WWP2: variants seen among roughly 807,000 people sequenced by gnomAD.
WWP2 encodes the protein WW domain containing E3 ubiquitin protein ligase 2, also known as NEDD4-like E3 ubiquitin-protein ligase WWP2.
WWP2 carries 57 observed loss-of-function variants against 121.0 expected under a neutral mutation model. That is an observed-to-expected ratio of 0.47 (90% CI 0.38 to 0.59). WWP2 has a LOEUF of 0.59. Among genes scored for constraint, WWP2 ranks in the 20% least tolerant of loss-of-function variants. WWP2 has a pLI of 0.00. For missense variants in WWP2, 962 were observed against 1,158.9 expected, an observed-to-expected ratio of 0.83 and a Z score of 2.47; for synonymous variants, 449 against 441.3, an observed-to-expected ratio of 1.02 and a Z score of -0.22.
chr16:69,808,262 G>A (rs1327672344), intron 4 of WWP2, among the ~76,000 whole-genome samples: 1 of 149,842 alleles, frequency 6.7e-6, no homozygotes, highest in Non-Finnish European at 1.5e-5. Context: ...TTTTGCATGT[G>A]TCAATAGTCT....
At chr16:69,769,133 G>A (rs914197440) in intron 1 of WWP2, among the ~76,000 whole-genome samples, 15 of 151,936 alleles carry the variant, frequency 9.9e-5, no homozygotes, top group African/African-American at 1.7e-4. Flanking sequence ...CCTGGCTAAC[G>A]TGATGAAACC....
At chr16:69,827,861 T>G (rs1217767376) in intron 4 of WWP2, 1 of 455,252 alleles carries the variant, frequency 2.2e-6, no homozygotes, top group Admixed American at 2.4e-5. Flanking sequence ...TTCTAAAGAC[T>G]TAACCTTCCC....
At chr16:69,907,798 A>T (rs1567422793) in intron 8 of WWP2, among the ~76,000 whole-genome samples, 1 of 152,246 alleles carries the variant, frequency 6.6e-6, no homozygotes, top group Non-Finnish European at 1.5e-5. Flanking sequence ...ATTTGACTTC[A>T]TAGGTAGAGC....
chr16:69,840,315 C>CGGGGACTGGGTGGGGGGGGGG, intron 5 of WWP2, 52 bp downstream of exon 5: 1 of 1,217,544 alleles, frequency 8.2e-7, no homozygotes. Flanking sequence ...TGGGGCTGGG[C>CGGGGACTGGGTGGGGGGGGGG]GGGGGCCAGG....
chr16:69,782,602 T>G (rs1236032860), intron 1 of WWP2, among the ~76,000 whole-genome samples: 4 of 152,304 alleles, frequency 2.6e-5, no homozygotes, highest in South Asian at 2.1e-4. Flanking sequence ...GAGTTTGGTG[T>G]TGTATTCCAT....
chr16:69,937,845 T>C lies in WWP2; in HGVS notation c.2343+193T>C, dbSNP rs1480718856. On this transcript the variant is annotated intron_variant, in intron 21 of 23. Coordinates refer to ENST00000359154, the MANE Select transcript of WWP2 (RefSeq NM_001270454.2). The surrounding 1 kb of genome is among the most constrained non-coding windows in gnomAD (Gnocchi z 6.6). ...CCAGCTGAGTGGTGGCCAGTGGATG[T>C]GACAGGAGGTCGTCAGTGGTCAGCC... 6.6e-6 allele frequency among the ~76,000 whole-genome samples: 1 copy of C among 152,192 alleles called. No individual in the cohort carries two copies. The highest frequency in any genetic ancestry group is 1.9e-4 in the East Asian group (1 of 5,198).
rs536760413 is a variant in WWP2, at chr16:69,776,010, T to C, written c.-15-10986T>C. On this transcript the variant is annotated intron_variant, in intron 1 of 23. Transcript: ENST00000359154. ...TTTTCCCTAAAAACTCCTTCTTAAA[T>C]AGAGTGTATGCCTTTCAGCCCTAAT... 2.6e-5 allele frequency among the ~76,000 whole-genome samples: 4 copies of C among 152,310 alleles called. No individual in the cohort carries two copies. The South Asian group carries it at 8.3e-4, about 32-fold the overall frequency.
intron 6 of WWP2, among the ~76,000 whole-genome samples, chr16:69,862,718 T>TC (rs2057446658): frequency 6.9e-6 from 1 of 144,722 alleles, no homozygotes; most frequent in Non-Finnish European, 1.5e-5. Flanking sequence ...CTTTTTTTTT[T>TC]TTTTTTTTTT....
intron 9 of WWP2, among the ~76,000 whole-genome samples, chr16:69,911,558 G>C (rs1330928328): frequency 1.3e-5 from 2 of 152,178 alleles, no homozygotes; most frequent in African/African-American, 2.4e-5. Context: ...GGGGCTCTCA[G>C]GTTTGGGGGA....
At chr16:69,912,150 A>G (rs931856904) in intron 9 of WWP2, among the ~76,000 whole-genome samples, 11 of 152,196 alleles carry the variant, frequency 7.2e-5, no homozygotes, top group African/African-American at 2.6e-4. Flanking sequence ...TTAGCCAGGC[A>G]TGGTGGCACA....
At chr16:69,853,656 C>G (rs972616405) in intron 6 of WWP2, among the ~76,000 whole-genome samples, 3 of 152,106 alleles carry the variant, frequency 2.0e-5, no homozygotes, top group African/African-American at 7.2e-5. Flanking sequence ...AGGACTGTTG[C>G]AGGAACTGGT....
intron 11 of WWP2, among the ~76,000 whole-genome samples, chr16:69,928,638 G>A (rs1267211763): frequency 6.6e-6 from 1 of 152,184 alleles, no homozygotes; most frequent in Non-Finnish European, 1.5e-5. Context: ...GCCAGGCACG[G>A]TGGCTTATTG....
At position 69,937,268 on chromosome 16, in the gene WWP2, G is replaced by GC. The variant is rs1567447473; in HGVS notation, c.2238+34dup. 6.2e-7 allele frequency: 1 copy of GC among 1,611,368 alleles called. No individual in the cohort carries two copies. Among genetic ancestry groups the GC allele is most frequent in the Non-Finnish European group, 8.5e-7 (1 of 1,179,020 alleles). On this transcript the variant is annotated intron_variant, in intron 20 of 23. Transcript: ENST00000359154. The surrounding 1 kb of genome is among the most constrained non-coding windows in gnomAD (Gnocchi z 6.6). ...GTGTCTGAGGTTGCTGGGACCCTGA[G>GC]CCCCTGCCTCTGGGGCGATCCTGCT...
At chr16:69,841,117 G>A (rs536722543) in intron 5 of WWP2, among the ~76,000 whole-genome samples, 13 of 152,360 alleles carry the variant, frequency 8.5e-5, no homozygotes, top group Admixed American at 3.3e-4. Context: ...CTAGGTCTTA[G>A]ACCAGGCCCT....
chr16:69,872,497 G>C (rs1326989327), intron 7 of WWP2, among the ~76,000 whole-genome samples: 1 of 152,232 alleles, frequency 6.6e-6, no homozygotes, highest in Admixed American at 6.5e-5. Flanking sequence ...TTACAGACGT[G>C]AGCCACTGCG....
At chr16:69,766,878 T>C (rs2038741855) in intron 1 of WWP2, among the ~76,000 whole-genome samples, 1 of 152,116 alleles carries the variant, frequency 6.6e-6, no homozygotes, top group Non-Finnish European at 1.5e-5. Flanking sequence ...CTCAGCCTCC[T>C]GAGTAGCTGG....
At chr16:69,800,083 C>T (rs114122393) in intron 4 of WWP2, among the ~76,000 whole-genome samples, 6,730 of 152,176 alleles carry the variant, frequency 0.044, 516 homozygotes, top group African/African-American at 0.15. Context: ...TCCCAGCGAG[C>T]GTGTTACATG....
intron 22 of WWP2, 57 bp downstream of exon 22, chr16:69,939,180 A>T: frequency 6.4e-7 from 1 of 1,564,278 alleles, no homozygotes; most frequent in East Asian, 2.4e-5. Context: ...GCTCAGAGGG[A>T]GGGGGAAACC....
intron 8 of WWP2, among the ~76,000 whole-genome samples, chr16:69,901,175 C>A (rs574844134): frequency 6.6e-6 from 1 of 152,164 alleles, no homozygotes; most frequent in Non-Finnish European, 1.5e-5. Flanking sequence ...TTATGGTTCT[C>A]CCCGGAAGTG....
Sources: gnomAD v4.1 joint callset for allele counts (sites outside exome capture counted in the v4.1 genomes callset) on GRCh38, gnomAD v4.1.1 for gene constraint, Gnocchi (gnomAD v3.1) non-coding constraint, MANE v1.5 for transcripts, NCBI Gene and HGNC (gene_info 2026-07-23, HGNC 2026-07-21) for gene names.